SLX4IP: variants seen among roughly 807,000 people sequenced by gnomAD.
SLX4IP encodes protein SLX4IP.
Under a neutral mutation model 32.9 loss-of-function variants are expected in SLX4IP, and 34 were observed. That is an observed-to-expected ratio of 1.03 (90% CI 0.79 to 1.38). The LOEUF (loss-of-function observed/expected upper bound fraction) is 1.38. Among genes scored for constraint, SLX4IP ranks in the 40% most tolerant of loss-of-function variants. The pLI is 0.00. For synonymous variants in SLX4IP, 172 were observed against 171.7 expected, an observed-to-expected ratio of 1.00 and a Z score of -0.01; for missense variants, 444 against 479.0, an observed-to-expected ratio of 0.93 and a Z score of 0.68.
chr20:10,442,885 G>A lies in SLX4IP; in HGVS notation c.-30+7432G>A, dbSNP rs186113407. ...GATTTAAAACTTAATTAAGATAGAA[G>A]CTAATAATATCTTTTCCATTTAAAT... On this transcript the variant is annotated intron_variant, in intron 1 of 7. Transcript: ENST00000334534. Among the ~76,000 whole-genome samples the A allele has an allele frequency of 4.7e-3, 715 of 152,292 alleles. 15 individuals carry two copies. In the South Asian group the frequency reaches 0.068, roughly 14 times the overall value.
In SLX4IP at chr20:10,556,186, G is replaced by A. The variant is rs767443294; in HGVS notation, c.28-45G>A. 5.8e-6 allele frequency: 9 copies of A among 1,548,764 alleles called. No homozygotes were observed. The East Asian group carries it at 1.6e-4, about 27-fold the overall frequency. On this transcript the variant is annotated intron_variant, in intron 2 of 7. Transcript: ENST00000334534. The stretch of plus-strand genomic sequence containing the variant: ...TGAGATTTTCTCTCATTGTTTGCTG[G>A]GCATGAGCCGCACAGACACTGACTC...
At chr20:10,611,302 A>G (rs1480374272) in intron 6 of SLX4IP, among the ~76,000 whole-genome samples, 1 of 152,160 alleles carries the variant, frequency 6.6e-6, no homozygotes, top group African/African-American at 2.4e-5. Flanking sequence ...GAACCTTTTC[A>G]TTTTCACGAG....
At chr20:10,447,512 T>C (rs544800649) in intron 1 of SLX4IP, among the ~76,000 whole-genome samples, 213 of 152,292 alleles carry the variant, frequency 1.4e-3, no homozygotes, top group African/African-American at 4.8e-3. Context: ...GTTTAAATGA[T>C]ATTTTAAGTT....
intron 2 of SLX4IP, among the ~76,000 whole-genome samples, chr20:10,478,425 T>C (rs557559659): frequency 1.3e-5 from 2 of 152,196 alleles, no homozygotes; most frequent in Admixed American, 1.3e-4. Context: ...AGGTAGAGAA[T>C]GTGAAAAGCA....
chr20:10,512,078 T>A (rs1600946232), intron 2 of SLX4IP, among the ~76,000 whole-genome samples: 1 of 152,168 alleles, frequency 6.6e-6, no homozygotes, highest in East Asian at 1.9e-4. Context: ...AAATAATACA[T>A]CCTTTAGACT....
intron 2 of SLX4IP, among the ~76,000 whole-genome samples, chr20:10,468,865 AGC>A (rs2065401225): frequency 6.6e-6 from 1 of 152,162 alleles, no homozygotes; most frequent in Non-Finnish European, 1.5e-5. Flanking sequence ...CATTATGCCT[AGC>A]CACATTCCCT....
At chr20:10,578,743 G>A (rs2066549694) in intron 4 of SLX4IP, among the ~76,000 whole-genome samples, 1 of 152,066 alleles carries the variant, frequency 6.6e-6, no homozygotes, top group African/African-American at 2.4e-5. Context: ...AGCCACACCT[G>A]TTTGTCTTTT....
intron 2 of SLX4IP, among the ~76,000 whole-genome samples, chr20:10,480,967 C>T (rs945747433): frequency 2.6e-5 from 4 of 152,138 alleles, no homozygotes; most frequent in African/African-American, 9.7e-5. Context: ...AACTTAATAT[C>T]TCCCTATTAT....
intron 1 of SLX4IP, among the ~76,000 whole-genome samples, chr20:10,445,307 CTTTCT>C (rs1381097608): frequency 4.6e-5 from 6 of 130,188 alleles, no homozygotes; most frequent in African/African-American, 8.2e-5. Flanking sequence ...TTTCTTTTTT[CTTTCT>C]TTTTTTTTTT....
intron 2 of SLX4IP, among the ~76,000 whole-genome samples, chr20:10,505,811 T>G (rs1320433768): frequency 6.6e-6 from 1 of 151,838 alleles, no homozygotes; most frequent in Non-Finnish European, 1.5e-5. Context: ...CATTAATTCT[T>G]TTTTTTTTCA....
intron 2 of SLX4IP, among the ~76,000 whole-genome samples, chr20:10,519,225 A>G (rs1409405469): frequency 2.0e-5 from 3 of 152,170 alleles, no homozygotes; most frequent in Non-Finnish European, 4.4e-5. Context: ...TTCATATACC[A>G]TAAGATTCCT....
chr20:10,481,608 G>C (rs1310721527), intron 2 of SLX4IP, among the ~76,000 whole-genome samples: 1 of 152,110 alleles, frequency 6.6e-6, no homozygotes, highest in Non-Finnish European at 1.5e-5. Flanking sequence ...ATATATTAAT[G>C]CTATAGTAAC....
At chr20:10,457,840 C>CT (rs111482953) in intron 1 of SLX4IP, among the ~76,000 whole-genome samples, 2,304 of 145,258 alleles carry the variant, frequency 0.016, 52 homozygotes, top group African/African-American at 0.05. Flanking sequence ...GCTTTTCTCT[C>CT]TTTTTTTTTT....
intron 2 of SLX4IP, among the ~76,000 whole-genome samples, chr20:10,480,850 C>G (rs962410739): frequency 4.6e-5 from 7 of 152,146 alleles, no homozygotes; most frequent in African/African-American, 1.7e-4. Context: ...GATGCTTTAG[C>G]TGGGTGTAGT....
intron 2 of SLX4IP, among the ~76,000 whole-genome samples, chr20:10,554,144 C>G (rs1230042215): frequency 6.6e-6 from 1 of 152,188 alleles, no homozygotes; most frequent in Non-Finnish European, 1.5e-5. Context: ...TGGGAAATTA[C>G]TGTTTTGATT....
At chr20:10,452,892 A>T (rs2065255068) in intron 1 of SLX4IP, among the ~76,000 whole-genome samples, 1 of 150,694 alleles carries the variant, frequency 6.6e-6, no homozygotes, top group Admixed American at 6.6e-5. Flanking sequence ...AAATTTTATT[A>T]AAAAAAAAGA....
intron 4 of SLX4IP, among the ~76,000 whole-genome samples, chr20:10,597,492 G>A (rs2066784937): frequency 6.6e-6 from 1 of 152,198 alleles, no homozygotes; most frequent in South Asian, 2.1e-4. Context: ...CCTATGAGAC[G>A]AATGATAGTG....
chr20:10,554,196 T>C (rs1389904361), intron 2 of SLX4IP, among the ~76,000 whole-genome samples: 1 of 152,240 alleles, frequency 6.6e-6, no homozygotes, highest in Admixed American at 6.5e-5. Flanking sequence ...GAATTATATA[T>C]AGATGGAACC....
rs1230983094 is a variant in SLX4IP at position 10,518,466 on chromosome 20, T to C, written c.28-37765T>C. Among the ~76,000 whole-genome samples the C allele has an allele frequency of 7.5e-3, 338 of 44,814 alleles. 16 individuals carry two copies. Among genetic ancestry groups the C allele is most frequent in the Middle Eastern group, 0.026 (2 of 78 alleles). The allele number at this position is 44,814 out of a possible 152,430, so 29.4% of individuals were successfully genotyped here. ...TCCTTCCTTCCTTCCTTCCTTCCTT[T>C]CCTTTCTTTTCCTTTCCTTTCCTTT... On this transcript the variant is annotated intron_variant, in intron 2 of 7. Transcript: ENST00000334534.
Sources: gnomAD v4.1 joint callset for allele counts (sites outside exome capture counted in the v4.1 genomes callset) on GRCh38, gnomAD v4.1.1 for gene constraint, MANE v1.5 for transcripts, NCBI Gene and HGNC (gene_info 2026-07-23, HGNC 2026-07-21) for gene names.